LRRC4C: variants seen among roughly 807,000 people sequenced by gnomAD.
LRRC4C encodes leucine rich repeat containing 4C.
A neutral mutation model predicts 33.6 loss-of-function variants in LRRC4C; 5 were observed. That is an observed-to-expected ratio of 0.15 (90% CI 0.08 to 0.31). LRRC4C has a LOEUF of 0.31. Ranked by LOEUF, LRRC4C falls within the 10% of genes least tolerant of loss-of-function variation. LRRC4C has a pLI of 1.00. For missense variants in LRRC4C, 560 were observed against 796.7 expected (o/e 0.70, Z 3.58); for synonymous variants, 329 against 302.0 (o/e 1.09, Z -0.93).
intron 2 of LRRC4C, among the ~76,000 whole-genome samples, chr11:40,856,110 T>G (rs575604453): frequency 3.9e-5 from 6 of 152,272 alleles, no homozygotes; most frequent in Middle Eastern, 3.4e-3. Context: ...ATTCTAAAGT[T>G]TCTGGGAGCC....
chr11:40,451,366 CTTTTTTTTTTTTTTTTTTTTT>C (rs71060962), intron 3 of LRRC4C, among the ~76,000 whole-genome samples: 1 of 47,058 alleles, frequency 2.1e-5, no homozygotes, highest in Non-Finnish European at 3.6e-5. Flanking sequence ...GAAATAATGA[CTTTTTTTTTTTTTTTTTTTTT>C]TTTTTTTTTT....
At chr11:40,223,617 G>T (rs984076469) in intron 5 of LRRC4C, among the ~76,000 whole-genome samples, 1 of 152,224 alleles carries the variant, frequency 6.6e-6, no homozygotes, top group East Asian at 1.9e-4. Flanking sequence ...GTCCAGAGTG[G>T]AATGTTTCAA....
intron 1 of LRRC4C, among the ~76,000 whole-genome samples, chr11:41,094,478 T>C (rs933191267): frequency 6.0e-5 from 9 of 150,222 alleles, no homozygotes; most frequent in Non-Finnish European, 1.2e-4. Context: ...GAGCCGAGAT[T>C]GCACCACTGC....
chr11:40,561,474 G>A (rs1189610777), intron 3 of LRRC4C, among the ~76,000 whole-genome samples: 9 of 140,026 alleles, frequency 6.4e-5, no homozygotes, highest in East Asian at 2.2e-4. Context: ...TTGTAGTGGC[G>A]CAATCTCTGC....
intron 2 of LRRC4C, among the ~76,000 whole-genome samples, chr11:40,804,477 A>G (rs1951164823): frequency 6.6e-6 from 1 of 152,232 alleles, no homozygotes; most frequent in Admixed American, 6.5e-5. Flanking sequence ...TCATAACCAC[A>G]GCATTCCGCA....
chr11:40,286,527 G>T (rs1943851906), intron 4 of LRRC4C, among the ~76,000 whole-genome samples: 1 of 152,120 alleles, frequency 6.6e-6, no homozygotes, highest in South Asian at 2.1e-4. Flanking sequence ...TCACCAACTT[G>T]GATAGCAAAG....
At chr11:41,150,791 TAAAA>T (rs1943957645) in intron 1 of LRRC4C, among the ~76,000 whole-genome samples, 2 of 1,942 alleles carry the variant, frequency 1.0e-3, no homozygotes, top group Admixed American at 0.033. Flanking sequence ...AATAAATAAA[TAAAA>T]TAAAATAAAA....
intron 1 of LRRC4C, among the ~76,000 whole-genome samples, chr11:41,302,368 G>C (rs1216371823): frequency 1.3e-5 from 2 of 152,220 alleles, no homozygotes; most frequent in African/African-American, 4.8e-5. Flanking sequence ...AAAGTTGAGA[G>C]AGACAGAACC....
chr11:41,225,782 T>G (rs1335214266), intron 1 of LRRC4C, among the ~76,000 whole-genome samples: 1 of 152,174 alleles, frequency 6.6e-6, no homozygotes, highest in African/African-American at 2.4e-5. Flanking sequence ...GAAACTTTTC[T>G]GTGTCTTAAG....
intron 2 of LRRC4C, among the ~76,000 whole-genome samples, chr11:40,868,841 A>T (rs1027120953): frequency 6.6e-6 from 1 of 152,182 alleles, no homozygotes; most frequent in Admixed American, 6.6e-5. Context: ...TTTCTGGGCT[A>T]TCATGTCCCC....
intron 3 of LRRC4C, among the ~76,000 whole-genome samples, chr11:40,396,814 G>A (rs892877877): frequency 2.0e-5 from 3 of 151,952 alleles, no homozygotes; most frequent in Non-Finnish European, 2.9e-5. Flanking sequence ...ACGTTCCAGT[G>A]ACCTCAAAAC....
chr11:40,443,521 T>C (rs1426960077), intron 3 of LRRC4C, among the ~76,000 whole-genome samples: 1 of 152,136 alleles, frequency 6.6e-6, no homozygotes, highest in Non-Finnish European at 1.5e-5. Flanking sequence ...GCTCTTTCAG[T>C]CAGATTCCAC....
At chr11:41,077,018 T>C (rs1037860955) in intron 1 of LRRC4C, among the ~76,000 whole-genome samples, 1 of 152,178 alleles carries the variant, frequency 6.6e-6, no homozygotes, top group East Asian at 1.9e-4. Context: ...AATTCCACAA[T>C]AATCTCCTTT....
intron 2 of LRRC4C, among the ~76,000 whole-genome samples, chr11:40,874,044 C>T (rs1010428667): frequency 1.2e-4 from 18 of 152,160 alleles, no homozygotes; most frequent in African/African-American, 4.3e-4. Flanking sequence ...CCAGATAATA[C>T]ACAGGCCAAG....
chr11:40,266,310 A>G (rs1942251435), intron 4 of LRRC4C, among the ~76,000 whole-genome samples: 1 of 152,060 alleles, frequency 6.6e-6, no homozygotes, highest in Non-Finnish European at 1.5e-5. Flanking sequence ...AAAAATAAAA[A>G]AAATTAAAAT....
chr11:40,899,736 A>G (rs1025780561), intron 2 of LRRC4C, among the ~76,000 whole-genome samples: 1 of 152,186 alleles, frequency 6.6e-6, no homozygotes, highest in Non-Finnish European at 1.5e-5. Flanking sequence ...TCCTATTCTT[A>G]GGCACAAACA....
At chr11:41,354,345 T>C (rs1440042975) in intron 1 of LRRC4C, among the ~76,000 whole-genome samples, 1 of 152,034 alleles carries the variant, frequency 6.6e-6, no homozygotes, top group Admixed American at 6.6e-5. Context: ...CAAGGAGAAT[T>C]ACAAAACACT....
intron 1 of LRRC4C, among the ~76,000 whole-genome samples, chr11:40,976,623 T>C (rs975078077): frequency 3.3e-5 from 5 of 152,222 alleles, no homozygotes; most frequent in Non-Finnish European, 7.3e-5. Context: ...GTCCAACATC[T>C]AACAAAATGT....
At chr11:40,203,350 A>G (rs553472342) in intron 5 of LRRC4C, among the ~76,000 whole-genome samples, 3 of 152,342 alleles carry the variant, frequency 2.0e-5, no homozygotes, top group South Asian at 4.1e-4. Flanking sequence ...AGCAGGGTAA[A>G]TAAATGCTCT....
Sources: gnomAD v4.1 joint callset for allele counts (sites outside exome capture counted in the v4.1 genomes callset) on GRCh38, gnomAD v4.1.1 for gene constraint, MANE v1.5 for transcripts, NCBI Gene and HGNC (gene_info 2026-07-23, HGNC 2026-07-21) for gene names.